TAFA1: variants seen among roughly 807,000 people sequenced by gnomAD.
TAFA1 encodes chemokine-like protein TAFA-1.
Under a neutral mutation model 18.5 loss-of-function variants are expected in TAFA1, and 4 were observed. The observed-to-expected ratio is 0.22, with a 90% CI of 0.11 to 0.49. The LOEUF (loss-of-function observed/expected upper bound fraction) is 0.49, where lower values mean the gene tolerates loss of function less well. TAFA1 is among the 20% of genes least tolerant of loss of function. The pLI is 0.98. For synonymous variants in TAFA1, 56 were observed against 55.2 expected, an observed-to-expected ratio of 1.01 and a Z score of -0.06; for missense variants, 147 against 169.0, an observed-to-expected ratio of 0.87 and a Z score of 0.72.
intron 2 of TAFA1, among the ~76,000 whole-genome samples, chr3:68,032,899 A>G (rs1464157122): frequency 6.6e-6 from 1 of 152,150 alleles, no homozygotes; most frequent in Non-Finnish European, 1.5e-5. Context: ...AATTCTTTTC[A>G]GTACTTGCTT....
chr3:68,418,358 G>C (rs924449637), intron 3 of TAFA1, among the ~76,000 whole-genome samples: 2 of 151,920 alleles, frequency 1.3e-5, no homozygotes, highest in African/African-American at 2.4e-5. Flanking sequence ...GGTGCTCAGT[G>C]GGGGAGCTTT....
In TAFA1 at chr3:68,166,640, C is replaced by T. The variant is rs117221009; in HGVS notation, c.118+159896C>T. 4.2e-3 allele frequency among the ~76,000 whole-genome samples: 647 copies of T among 152,262 alleles called. 16 individuals are homozygous for T. In the East Asian group the frequency reaches 0.061, roughly 14 times the overall value. ...TTAAAAATTAACAGTGTGCAATATA[C>T]AGCAAAGCCTGCCACACTCCTCCCT... On this transcript the variant is annotated intron_variant, in intron 2 of 4. Coordinates refer to ENST00000478136, the MANE Select transcript of TAFA1 (RefSeq NM_213609.4).
intron 2 of TAFA1, among the ~76,000 whole-genome samples, chr3:68,314,186 C>G (rs912698518): frequency 2.0e-5 from 3 of 152,068 alleles, no homozygotes; most frequent in Non-Finnish European, 4.4e-5. Flanking sequence ...GGAAACTACC[C>G]TTTGTATTGA....
rs139084377 is a variant in TAFA1, at chr3:68,375,380, G to C, written c.119-41900G>C. Among the ~76,000 whole-genome samples the C allele has an allele frequency of 2.8e-3, 432 of 152,150 alleles. 1 individual carries two copies. Among genetic ancestry groups the C allele is most frequent in the Non-Finnish European group, 5.4e-3 (364 of 67,998 alleles). On this transcript the variant is annotated intron_variant, in intron 2 of 4. Coordinates refer to ENST00000478136, the MANE Select transcript of TAFA1 (RefSeq NM_213609.4). ...AGTTGATTAAAATCATTAAGTGCTG[G>C]CTTATCCAATAAAGCATATTCGGAG... is the stretch of plus-strand genomic sequence containing the variant.
At chr3:68,407,850 A>G (rs2070640244) in intron 2 of TAFA1, among the ~76,000 whole-genome samples, 1 of 152,062 alleles carries the variant, frequency 6.6e-6, no homozygotes, top group Non-Finnish European at 1.5e-5. Flanking sequence ...GAGAGAAAGG[A>G]TGGGAATTTG....
intron 2 of TAFA1, among the ~76,000 whole-genome samples, chr3:68,111,786 G>C (rs1298011021): frequency 6.7e-6 from 1 of 149,466 alleles, no homozygotes; most frequent in East Asian, 1.9e-4. Flanking sequence ...GAGAAAGAGA[G>C]AGAGAGAGAG....
chr3:68,076,408 T>C (rs1272086768), intron 2 of TAFA1, among the ~76,000 whole-genome samples: 15 of 151,332 alleles, frequency 9.9e-5, no homozygotes, highest in Non-Finnish European at 2.1e-4. Context: ...CTGCACCCAC[T>C]AACTCATCAT....
chr3:68,458,239 C>T (rs2106914628), intron 3 of TAFA1, among the ~76,000 whole-genome samples: 1 of 152,234 alleles, frequency 6.6e-6, no homozygotes, highest in Non-Finnish European at 1.5e-5. Context: ...GACATGCCTG[C>T]TTCCACTTTA....
At chr3:68,212,469 T>C (rs12053816) in intron 2 of TAFA1, among the ~76,000 whole-genome samples, 1 of 151,724 alleles carries the variant, frequency 6.6e-6, no homozygotes, top group Non-Finnish European at 1.5e-5. Context: ...ATTATCTTTG[T>C]TCCCCTTTTT....
At chr3:68,042,479 G>T (rs1194664903) in intron 2 of TAFA1, among the ~76,000 whole-genome samples, 1 of 152,062 alleles carries the variant, frequency 6.6e-6, no homozygotes, top group Admixed American at 6.6e-5. Context: ...GTGTAGCCCT[G>T]TCTCTACTAA....
At chr3:68,135,392 T>C (rs1179270986) in intron 2 of TAFA1, among the ~76,000 whole-genome samples, 2 of 152,180 alleles carry the variant, frequency 1.3e-5, no homozygotes, top group East Asian at 3.9e-4. Context: ...AGGCACATGC[T>C]TTGCATATCT....
At chr3:68,440,717 C>G (rs1334649239) in intron 3 of TAFA1, among the ~76,000 whole-genome samples, 1 of 152,128 alleles carries the variant, frequency 6.6e-6, no homozygotes, top group African/African-American at 2.4e-5. Context: ...TCCCATTGAC[C>G]TTAGTCACAG....
At chr3:68,278,924 A>G (rs2067845747) in intron 2 of TAFA1, among the ~76,000 whole-genome samples, 1 of 152,122 alleles carries the variant, frequency 6.6e-6, no homozygotes, top group South Asian at 2.1e-4. Context: ...CCAAATTTTA[A>G]TGTATATATG....
intron 2 of TAFA1, among the ~76,000 whole-genome samples, chr3:68,121,249 ATG>A (rs67968765): frequency 0.23 from 34,311 of 147,636 alleles, 3,986 homozygotes; most frequent in East Asian, 0.39. Context: ...ATGTACATTA[ATG>A]TGTGTGTGTG....
intron 2 of TAFA1, among the ~76,000 whole-genome samples, chr3:68,261,970 T>TA (rs368791090): frequency 0.086 from 12,559 of 145,482 alleles, 649 homozygotes; most frequent in Middle Eastern, 0.12. Flanking sequence ...TAATTTGAAA[T>TA]AAAAAAAAAA....
chr3:68,238,823 A>T (rs761628814), intron 2 of TAFA1, among the ~76,000 whole-genome samples: 8 of 152,198 alleles, frequency 5.3e-5, no homozygotes, highest in Admixed American at 2.0e-4. Context: ...TTTACACCGA[A>T]TGAAAATGTC....
At chr3:68,410,380 A>C (rs1318337870) in intron 2 of TAFA1, among the ~76,000 whole-genome samples, 1 of 152,102 alleles carries the variant, frequency 6.6e-6, no homozygotes. Flanking sequence ...AGTACATTTA[A>C]CACATCTAAC....
chr3:68,341,244 A>G (rs2069076845), intron 2 of TAFA1, among the ~76,000 whole-genome samples: 1 of 152,172 alleles, frequency 6.6e-6, no homozygotes, highest in Admixed American at 6.5e-5. Context: ...TAGGGGCTCA[A>G]GAAGTAGGGA....
At chr3:68,059,268 A>C (rs2064572893) in intron 2 of TAFA1, among the ~76,000 whole-genome samples, 1 of 151,860 alleles carries the variant, frequency 6.6e-6, no homozygotes, top group Non-Finnish European at 1.5e-5. Context: ...ACACACACGC[A>C]TGCACACACA....
Sources: allele counts gnomAD v4.1 joint callset (sites outside exome capture counted in the v4.1 genomes callset), GRCh38; gene constraint gnomAD v4.1.1; transcripts MANE v1.5; gene names NCBI Gene and HGNC (gene_info 2026-07-23, HGNC 2026-07-21).